RBFOX1: variants seen among roughly 807,000 people sequenced by gnomAD.
The protein encoded by RBFOX1 is RNA binding protein fox-1 homolog 1.
Under a neutral mutation model 57.7 loss-of-function variants are expected in RBFOX1, and 8 were observed. The ratio of observed to expected loss-of-function variants is 0.14; its 90% CI spans 0.08 to 0.25. The LOEUF (loss-of-function observed/expected upper bound fraction) is 0.25. RBFOX1 is among the 10% of genes least tolerant of loss of function. The probability of loss-of-function intolerance (pLI) is 1.00; values close to 1 mark genes in which losing one functional copy is unlikely to be tolerated. For synonymous variants in RBFOX1, 326 were observed against 222.4 expected (o/e 1.47, Z -4.15); for missense variants, 611 against 548.5 (o/e 1.11, Z -1.14).
chr16:7,710,359 TTGTCCAGCTTA>T lies in RBFOX1; in HGVS notation c.1072-262_1072-252del, dbSNP rs1250514794. 7.7e-6 allele frequency: 10 copies of T among 1,296,816 alleles called. No individual in the cohort carries two copies. In the Admixed American group the frequency reaches 2.5e-4, roughly 32 times the overall value. 80.3% of individuals were successfully genotyped at this position (1,296,816 alleles called of 1,614,324 possible). A position where few individuals can be genotyped will look rare whatever the true frequency, so the allele number is the denominator to read the frequency against. ...AAATGAGACAGTGAAAATCCTTCCATTGTCCAGCTTATAATAGAGTCCTTTTAGCTAAGAGG... is the reference window on the plus strand; with the variant it reads ...AAATGAGACAGTGAAAATCCTTCCATTAATAGAGTCCTTTTAGCTAAGAGG... On this transcript the variant is annotated intron_variant, in intron 15 of 15. Transcript: ENST00000550418.
At chr16:6,703,331 A>T (rs1169625366) in intron 3 of RBFOX1, among the ~76,000 whole-genome samples, 1 of 151,996 alleles carries the variant, frequency 6.6e-6, no homozygotes, top group African/African-American at 2.4e-5. Flanking sequence ...TCCAGCACTT[A>T]GGGAGGCTGA....
chr16:6,099,729 A>G (rs553141272), intron 1 of RBFOX1, among the ~76,000 whole-genome samples: 1 of 152,328 alleles, frequency 6.6e-6, no homozygotes, highest in Non-Finnish European at 1.5e-5. Context: ...TTGAGAGGAG[A>G]CTGTATACAG....
chr16:7,257,450 G>A (rs1183948028), intron 4 of RBFOX1, among the ~76,000 whole-genome samples: 2 of 152,056 alleles, frequency 1.3e-5, no homozygotes, highest in African/African-American at 4.8e-5. Flanking sequence ...TGAAATAGCA[G>A]CCACTGGGAG....
intron 3 of RBFOX1, among the ~76,000 whole-genome samples, chr16:7,039,916 C>CG (rs58728874): frequency 0.094 from 14,316 of 152,082 alleles, 1,103 homozygotes; most frequent in East Asian, 0.32. Flanking sequence ...CACAAAAATA[C>CG]TTATGTCCCT....
intron 2 of RBFOX1, among the ~76,000 whole-genome samples, chr16:6,600,228 A>T (rs2154005600): frequency 6.6e-6 from 1 of 152,258 alleles, no homozygotes; most frequent in South Asian, 2.1e-4. Flanking sequence ...GGTGCTGATG[A>T]ACACGAAATC....
chr16:6,743,402 A>G (rs908648555), intron 3 of RBFOX1, among the ~76,000 whole-genome samples: 1 of 152,180 alleles, frequency 6.6e-6, no homozygotes, highest in Non-Finnish European at 1.5e-5. Flanking sequence ...AATAAGATCA[A>G]ATTATAGGCT....
At chr16:6,751,942 A>G (rs1272404839) in intron 3 of RBFOX1, among the ~76,000 whole-genome samples, 7 of 152,156 alleles carry the variant, frequency 4.6e-5, no homozygotes, top group Non-Finnish European at 1.0e-4. Context: ...TTAACAAACA[A>G]TATTTTTAAT....
At chr16:5,828,099 G>T (rs562525766) in intron 3 of RBFOX1, among the ~76,000 whole-genome samples, 1 of 151,278 alleles carries the variant, frequency 6.6e-6, no homozygotes, top group East Asian at 2.0e-4. Flanking sequence ...CCTGCCTTCT[G>T]TCTAACCATT....
rs376938025 is a variant in RBFOX1, at chr16:6,716,036, G to A, written c.-16+61386G>A. Among the ~76,000 whole-genome samples the A allele has an allele frequency of 9.2e-5, 14 of 152,184 alleles. No individual in the cohort carries two copies. The East Asian group carries it at 1.4e-3, about 15-fold the overall frequency. ...CAGCCTACATAAAGAAGCCACTTACGGTTTTGTGAGCTCACACTGCTCAGT... is the reference window on the plus strand; with the variant it reads ...CAGCCTACATAAAGAAGCCACTTACAGTTTTGTGAGCTCACACTGCTCAGT... On this transcript the variant is annotated intron_variant, in intron 3 of 15. Transcript: ENST00000550418.
At chr16:6,069,768 C>G (rs1229392745) in intron 1 of RBFOX1, among the ~76,000 whole-genome samples, 1 of 152,254 alleles carries the variant, frequency 6.6e-6, no homozygotes, top group South Asian at 2.1e-4. Context: ...GGGCAGATCA[C>G]TTGAGTTCAG....
chr16:5,534,707 C>G (rs952444785), intron 2 of RBFOX1, among the ~76,000 whole-genome samples: 3 of 152,172 alleles, frequency 2.0e-5, no homozygotes, highest in African/African-American at 7.2e-5. Flanking sequence ...CACTGACTCA[C>G]GTGTTAACCT....
intron 14 of RBFOX1, among the ~76,000 whole-genome samples, chr16:7,707,481 A>T (rs929931894): frequency 6.6e-6 from 1 of 152,124 alleles, no homozygotes; most frequent in Non-Finnish European, 1.5e-5. Context: ...AATACAGACA[A>T]ACCATTTCTT....
At chr16:6,637,397 T>TATA (rs373918014) in intron 2 of RBFOX1, among the ~76,000 whole-genome samples, 169 of 6,796 alleles carry the variant, frequency 0.025, 36 homozygotes, top group East Asian at 0.08. Flanking sequence ...ATATTATATA[T>TATA]TAAATATATA....
chr16:6,350,485 A>T (rs1165517443), intron 2 of RBFOX1, among the ~76,000 whole-genome samples: 1 of 108,602 alleles, frequency 9.2e-6, no homozygotes, highest in African/African-American at 3.7e-5. Flanking sequence ...AAAAAAAAAA[A>T]AAAAAAAAAA....
At chr16:5,915,676 A>G (rs2058689939) in intron 4 of RBFOX1, among the ~76,000 whole-genome samples, 2 of 152,108 alleles carry the variant, frequency 1.3e-5, no homozygotes, top group South Asian at 4.1e-4. Context: ...TACTAAAAAT[A>G]CAAAAATTAG....
At chr16:7,427,399 C>T (rs2098631275) in intron 4 of RBFOX1, among the ~76,000 whole-genome samples, 2 of 152,170 alleles carry the variant, frequency 1.3e-5, no homozygotes, top group South Asian at 4.2e-4. Flanking sequence ...AGTTTGAGAG[C>T]CCCTGCTGAA....
intron 3 of RBFOX1, among the ~76,000 whole-genome samples, chr16:5,789,099 C>G (rs772187951): frequency 2.0e-5 from 3 of 152,194 alleles, no homozygotes; most frequent in Admixed American, 6.5e-5. Context: ...CCCTCTTCCT[C>G]TCTCTCACAC....
chr16:5,573,166 G>A (rs560010290), intron 2 of RBFOX1, among the ~76,000 whole-genome samples: 2 of 152,304 alleles, frequency 1.3e-5, no homozygotes, highest in East Asian at 3.9e-4. Flanking sequence ...AGGACATAAT[G>A]AAGATTGGAG....
intron 3 of RBFOX1, among the ~76,000 whole-genome samples, chr16:5,847,425 C>T (rs1464191008): frequency 6.6e-6 from 1 of 151,926 alleles, no homozygotes; most frequent in East Asian, 1.9e-4. Context: ...AAAATGTGTG[C>T]ACAGATGTTA....
Sources: allele counts gnomAD v4.1 joint callset (sites outside exome capture counted in the v4.1 genomes callset), GRCh38; gene constraint gnomAD v4.1.1; transcripts MANE v1.5; gene names NCBI Gene and HGNC (gene_info 2026-07-23, HGNC 2026-07-21).